Variants in PCM1 observed in about 807,000 individuals in gnomAD.
The protein encoded by PCM1 is pericentriolar material 1 protein.
Under a neutral mutation model 241.9 loss-of-function variants are expected in PCM1, and 157 were observed. The observed-to-expected ratio is 0.65, with a 90% CI of 0.57 to 0.74. The LOEUF (loss-of-function observed/expected upper bound fraction) is 0.74. Ranked by LOEUF, PCM1 falls within the 30% of genes least tolerant of loss-of-function variation. The probability of loss-of-function intolerance (pLI) is 0.00; values close to 1 mark genes in which losing one functional copy is unlikely to be tolerated. For missense variants in PCM1, 3,478 were observed against 2,360.1 expected, an observed-to-expected ratio of 1.47 and a Z score of -9.81; for synonymous variants, 1,085 against 784.9, an observed-to-expected ratio of 1.38 and a Z score of -6.39.
intron 24 of PCM1, among the ~76,000 whole-genome samples, chr8:17,981,350 A>G (rs1417713828): frequency 6.6e-6 from 1 of 152,220 alleles, no homozygotes; most frequent in Non-Finnish European, 1.5e-5. Context: ...CTGAAACTCC[A>G]TTCTAATCCA....
chr8:17,968,762 G>GTGTGTGTGTGTGTGTGTATATA (rs373502456), intron 21 of PCM1, among the ~76,000 whole-genome samples: 141 of 136,770 alleles, frequency 1.0e-3, no homozygotes, highest in African/African-American at 3.8e-3. Flanking sequence ...GTGTGTGTGT[G>GTGTGTGTGTGTGTGTGTATATA]TATATATATA....
intron 29 of PCM1, among the ~76,000 whole-genome samples, chr8:17,995,103 G>C (rs921035379): frequency 6.6e-6 from 1 of 151,324 alleles, no homozygotes; most frequent in Non-Finnish European, 1.5e-5. Flanking sequence ...TTTTTGCCCA[G>C]ACCAATGTCC....
Position 18,028,661 on chromosome 8 carries a change from ATTGAT to A in PCM1, c.*1003_*1007del, listed in dbSNP as rs2094374931. 1 of 21,110 alleles carries A rather than the reference ATTGAT, an allele frequency of 4.7e-5. No individual in the cohort carries two copies. The highest frequency in any genetic ancestry group is 2.6e-4 in the African/African-American group (1 of 3,852). 1.3% of individuals were successfully genotyped at this position (21,110 alleles called of 1,614,324 possible). ...ACTTTAAGTCAGCTTTTGAAAAGTGATTGATTTGCTTTTTATCCCAAACTGTCCAT... is the reference window on the plus strand; with the variant it reads ...ACTTTAAGTCAGCTTTTGAAAAGTGATTGCTTTTTATCCCAAACTGTCCAT... On this transcript the variant is annotated 3_prime_UTR_variant, in exon 39 of 39. Transcript: ENST00000325083.
intron 17 of PCM1, 126 bp downstream of exon 17, chr8:17,963,417 T>C (rs1171976001): frequency 1.6e-6 from 1 of 616,412 alleles, no homozygotes; most frequent in Admixed American, 3.7e-5. Context: ...GGCTACTGTT[T>C]AACTACCACC....
In PCM1 at chr8:17,957,430, G is replaced by T; in HGVS notation, c.1804+9G>T. ...CATGCCTCCTTCTTTAGGTATGACT[G>T]ACTGTATTTACATATAATTTTGCTG... is the stretch of plus-strand genomic sequence containing the variant. On this transcript the variant is annotated intron_variant, in intron 12 of 38. Coordinates refer to ENST00000325083, the MANE Select transcript of PCM1 (RefSeq NM_006197.4). 1 of 1,610,862 alleles carries T rather than the reference G, an allele frequency of 6.2e-7. No homozygotes were observed. Among genetic ancestry groups the T allele is most frequent in the South Asian group, 1.1e-5 (1 of 91,010 alleles).
intron 6 of PCM1, among the ~76,000 whole-genome samples, chr8:17,944,453 CAGTT>C (rs1209258107): frequency 2.0e-5 from 3 of 152,078 alleles, no homozygotes; most frequent in African/African-American, 7.2e-5. Context: ...AGGAGAACCT[CAGTT>C]GAGTAGAGGA....
chr8:18,007,688 T>C (rs1396725143), intron 30 of PCM1, among the ~76,000 whole-genome samples: 1 of 152,210 alleles, frequency 6.6e-6, no homozygotes, highest in East Asian at 1.9e-4. Context: ...ACGTTAAATA[T>C]TGCCCAGAGT....
chr8:17,972,490 G>A lies in PCM1; in HGVS notation c.3746G>A (p.Arg1249Lys). ...NRKNQLDTNG[R>K]RRQFDEESLE... ...AAAAATCAATTAGATACAAACGGAA[G>A]AAGACGCCAGTTTGATGAAGAATCA... is the stretch of plus-strand genomic sequence containing the variant. The change falls in exon 23 of 39, where the codon AGA becomes AAA. Residue 1249 changes from arginine (R) to lysine (K), a missense_variant. Physicochemically the swap from Arg to Lys is conservative, Grantham distance 26 (BLOSUM62 2). Coordinates refer to ENST00000325083, the MANE Select transcript of PCM1 (RefSeq NM_006197.4). 1 of 1,613,882 alleles carries A rather than the reference G, an allele frequency of 6.2e-7. No homozygotes were observed. Among genetic ancestry groups the A allele is most frequent in the Non-Finnish European group, 8.5e-7 (1 of 1,179,818 alleles).
At chr8:17,974,421 G>A (rs866061507) in intron 23 of PCM1, among the ~76,000 whole-genome samples, 3 of 150,902 alleles carry the variant, frequency 2.0e-5, no homozygotes, top group Non-Finnish European at 1.5e-5. Flanking sequence ...GAATCTGATA[G>A]GGCAATACTT....
At position 18,028,891 on chromosome 8, in the gene PCM1, C is replaced by T. The variant is rs2094383279; in HGVS notation, c.*1229C>T. On this transcript the variant is annotated 3_prime_UTR_variant, in exon 39 of 39. Coordinates refer to ENST00000325083, the MANE Select transcript of PCM1 (RefSeq NM_006197.4). ...TGCTGCCCAGGCACCATGGCTCACT[C>T]CTGTAATCCCAGCACCTTGGGAGGC... 5.5e-6 allele frequency: 1 copy of T among 182,872 alleles called. No individual in the cohort carries two copies. Among genetic ancestry groups the T allele is most frequent in the South Asian group, 2.0e-4 (1 of 5,110 alleles). The allele number at this position is 182,872 out of a possible 1,614,324, so 11.3% of individuals were successfully genotyped here.
rs1039638474 is a variant in PCM1, at chr8:18,013,837, T to C, written c.5512-127T>C. On this transcript the variant is annotated intron_variant, in intron 34 of 38. Coordinates refer to ENST00000325083, the MANE Select transcript of PCM1 (RefSeq NM_006197.4). ...CAAAGCCGCCTCCTTGAAATAGTTT[T>C]AGAAGATACTTTTAAATTTCTTTGT... The C allele has an allele frequency of 9.5e-6, 6 of 631,328 alleles. No homozygotes were observed. In the Admixed American group the frequency reaches 1.4e-4, roughly 15 times the overall value. The allele number at this position is 631,328 out of a possible 1,614,324, so 39.1% of individuals were successfully genotyped here. A position where few individuals can be genotyped will look rare whatever the true frequency, so the allele number is the denominator to read the frequency against.
intron 17 of PCM1, among the ~76,000 whole-genome samples, chr8:17,963,880 T>C (rs930676235): frequency 6.6e-6 from 1 of 152,224 alleles, no homozygotes; most frequent in African/African-American, 2.4e-5. Context: ...TTCTGGAATT[T>C]CTGGAGTTTT....
chr8:18,003,236 A>G (rs953779186), intron 29 of PCM1, among the ~76,000 whole-genome samples: 6 of 152,216 alleles, frequency 3.9e-5, no homozygotes, highest in African/African-American at 1.4e-4. Flanking sequence ...CTCAGTAAAC[A>G]TTAATGAATT....
intron 28 of PCM1, 45 bp from the exon 29 acceptor site, chr8:17,993,437 TA>T: frequency 1.5e-6 from 2 of 1,364,846 alleles, no homozygotes; most frequent in Non-Finnish European, 2.0e-6. Context: ...TATATGTATA[TA>T]TAATAGGCTT....
intron 18 of PCM1, among the ~76,000 whole-genome samples, chr8:17,965,791 T>C (rs905471055): frequency 1.3e-5 from 2 of 152,194 alleles, no homozygotes; most frequent in Admixed American, 1.3e-4. Context: ...AAAACATACA[T>C]GAAAAAGACT....
chr8:17,960,201 A>G lies in PCM1; in HGVS notation c.2192+36A>G, dbSNP rs138160281. On this transcript the variant is annotated intron_variant, in intron 14 of 38. Transcript: ENST00000325083. ...CTTTTGGCCTTCATTTAATATAATA[A>G]AAATTTAGTGCCTGTTTTGGAGAAG... 2,811 of 1,546,206 alleles carry G rather than the reference A, an allele frequency of 1.8e-3. 9 individuals carry two copies. The highest frequency in any genetic ancestry group is 6.3e-3 in the Middle Eastern group (37 of 5,878).
rs773993392 is a variant in PCM1, at chr8:17,957,810, T to A, written c.2040+35T>A. 84 of 1,395,998 alleles carry A rather than the reference T, an allele frequency of 6.0e-5. 2 individuals are homozygous for A. In the South Asian group the frequency reaches 9.4e-4, roughly 16 times the overall value. 86.5% of individuals were successfully genotyped at this position (1,395,998 alleles called of 1,614,324 possible). A position where few individuals can be genotyped will look rare whatever the true frequency, so the allele number is the denominator to read the frequency against. Reference sequence around the variant, plus strand: ...GCTTGGTCTTTTAAAAACCTATTTGTCAAATAGTACAGTCTTAAGTAAAAT... The same window carrying A: ...GCTTGGTCTTTTAAAAACCTATTTGACAAATAGTACAGTCTTAAGTAAAAT... On this transcript the variant is annotated intron_variant, in intron 13 of 38. Coordinates refer to ENST00000325083, the MANE Select transcript of PCM1 (RefSeq NM_006197.4).
chr8:17,992,085 A>G (rs577491535), intron 28 of PCM1, among the ~76,000 whole-genome samples: 1 of 151,794 alleles, frequency 6.6e-6, no homozygotes, highest in East Asian at 1.9e-4. Context: ...TAAATAAACA[A>G]ATATATCTGT....
At chr8:17,972,165 A>G (rs902712885) in intron 22 of PCM1, among the ~76,000 whole-genome samples, 164 bp from the exon 23 acceptor site, 1 of 152,198 alleles carries the variant, frequency 6.6e-6, no homozygotes, top group Non-Finnish European at 1.5e-5. Flanking sequence ...ACCTTAGCTT[A>G]TGTGATATTT....
Sources: allele counts gnomAD v4.1 joint callset (sites outside exome capture counted in the v4.1 genomes callset), GRCh38; gene constraint gnomAD v4.1.1; transcripts MANE v1.5; gene names NCBI Gene and HGNC (gene_info 2026-07-23, HGNC 2026-07-21).